The following P4HA1 variants were observed in gnomAD, a reference collection of about 807,000 sequenced individuals.
P4HA1 encodes the protein prolyl 4-hydroxylase subunit alpha 1, also known as prolyl 4-hydroxylase subunit alpha-1.
Under a neutral mutation model 72.8 loss-of-function variants are expected in P4HA1, and 24 were observed. That is an observed-to-expected ratio of 0.33 (90% CI 0.24 to 0.46). P4HA1 has a LOEUF of 0.46. Ranked by LOEUF, P4HA1 falls within the 20% of genes least tolerant of loss-of-function variation. The pLI is 1.00. For synonymous variants in P4HA1, 201 were observed against 218.8 expected (o/e 0.92, Z 0.72); for missense variants, 446 against 640.6 (o/e 0.70, Z 3.28).
At chr10:73,057,212 C>T (rs181404052) in intron 5 of P4HA1, among the ~76,000 whole-genome samples, 383 of 151,966 alleles carry the variant, frequency 2.5e-3, no homozygotes, top group African/African-American at 8.7e-3. Context: ...AAGACAAGGC[C>T]GGGCGCGGTG....
rs1589574625 is a variant in P4HA1, at chr10:73,017,348, C to T, written c.1249-449G>A. 4.6e-5 allele frequency among the ~76,000 whole-genome samples: 7 copies of T among 152,064 alleles called. 1 individual carries two copies. Among genetic ancestry groups the T allele is most frequent in the African/African-American group, 1.7e-4 (7 of 41,494 alleles). On this transcript the variant is annotated intron_variant, in intron 10 of 14. Coordinates refer to ENST00000394890, the MANE Select transcript of P4HA1 (RefSeq NM_001017962.3). The stretch of plus-strand genomic sequence containing the variant: ...CTACATATGTACCCCTCCCCACCCC[C>T]CACCAGAGACAGGCTGGAGTGCAGT...
intron 13 of P4HA1, among the ~76,000 whole-genome samples, 159 bp from the exon 14 acceptor site, chr10:73,010,062 A>G (rs1839882118): frequency 6.6e-6 from 1 of 150,830 alleles, no homozygotes; most frequent in Non-Finnish European, 1.5e-5. Context: ...TCCACCTCCC[A>G]GGTTGAAGTG....
At chr10:73,012,523 C>T (rs1045507859) in intron 12 of P4HA1, among the ~76,000 whole-genome samples, 1 of 152,062 alleles carries the variant, frequency 6.6e-6, no homozygotes, top group Non-Finnish European at 1.5e-5. Flanking sequence ...ACCTTACCTC[C>T]TTTTGGAAAC....
chr10:73,056,294 T>C (rs79489072), intron 5 of P4HA1, among the ~76,000 whole-genome samples: 2,500 of 152,238 alleles, frequency 0.016, 63 homozygotes, highest in African/African-American at 0.057. Context: ...TTCAATGCTA[T>C]AGAGAAAATT....
chr10:73,067,769 T>A (rs1049757501), intron 5 of P4HA1, among the ~76,000 whole-genome samples: 24 of 152,284 alleles, frequency 1.6e-4, no homozygotes, highest in African/African-American at 5.8e-4. Flanking sequence ...TTCCTTTACA[T>A]CCCTTATGAG....
intron 10 of P4HA1, among the ~76,000 whole-genome samples, chr10:73,028,519 C>T (rs1366309426): frequency 6.6e-6 from 1 of 152,064 alleles, no homozygotes; most frequent in African/African-American, 2.4e-5. Flanking sequence ...GCAACCTCCA[C>T]CTCCTGGGTT....
chr10:73,010,033 A>G, intron 13 of P4HA1, 130 bp from the exon 14 acceptor site: 1 of 557,284 alleles, frequency 1.8e-6, no homozygotes, highest in South Asian at 2.1e-5. Context: ...CAATGGCACG[A>G]TCTCAGCTCA....
chr10:73,061,213 T>C (rs1249201041), intron 5 of P4HA1, among the ~76,000 whole-genome samples: 1 of 152,172 alleles, frequency 6.6e-6, no homozygotes, highest in Admixed American at 6.5e-5. Flanking sequence ...CATTAGGTGT[T>C]GGTTCACGCA....
intron 3 of P4HA1, among the ~76,000 whole-genome samples, chr10:73,073,174 A>T (rs1841607165): frequency 6.6e-6 from 1 of 150,754 alleles, no homozygotes; most frequent in Admixed American, 6.6e-5. Flanking sequence ...TGTCACAAAA[A>T]AAAAAAAAAA....
intron 3 of P4HA1, 29 bp downstream of exon 3, chr10:73,073,702 G>C (rs1841621949): frequency 1.0e-6 from 1 of 973,704 alleles, no homozygotes; most frequent in African/African-American, 1.6e-5. Context: ...GGTTGAGTCA[G>C]AGTCATAATA....
At chr10:73,041,179 T>A (rs151315947) in intron 9 of P4HA1, among the ~76,000 whole-genome samples, 1 of 152,268 alleles carries the variant, frequency 6.6e-6, no homozygotes, top group East Asian at 1.9e-4. Context: ...CCCCAAAATA[T>A]GGCACTGTAG....
chr10:73,092,679 TAA>T (rs74340982), intron 1 of P4HA1, among the ~76,000 whole-genome samples: 7,506 of 141,086 alleles, frequency 0.053, 588 homozygotes, highest in African/African-American at 0.17. Context: ...GCCCTGTCTC[TAA>T]AAAAAAAAAA....
chr10:73,056,008 T>A (rs956492030), intron 5 of P4HA1, among the ~76,000 whole-genome samples: 15 of 152,126 alleles, frequency 9.9e-5, no homozygotes, highest in African/African-American at 3.4e-4. Flanking sequence ...AACCTAATAG[T>A]GGGAGGAAGC....
In P4HA1 at chr10:73,045,130, GGGTTT is replaced by G. The variant is rs1840824262; in HGVS notation, c.1078-84_1078-80del. 6.7e-6 allele frequency: 8 copies of G among 1,202,648 alleles called. No homozygotes were observed. In the African/African-American group the frequency reaches 7.6e-5, roughly 11 times the overall value. 74.5% of individuals were successfully genotyped at this position (1,202,648 alleles called of 1,614,324 possible). On this transcript the variant is annotated intron_variant, in intron 8 of 14. Transcript: ENST00000394890. ...ATTTACCCAACCAGTCAGAATTCCAGGGTTTTTACAAAGGAGGCTAAAAAGAGAAA... is the reference window on the plus strand; with the variant it reads ...ATTTACCCAACCAGTCAGAATTCCAGTTACAAAGGAGGCTAAAAAGAGAAA...
intron 9 of P4HA1, among the ~76,000 whole-genome samples, chr10:73,031,309 C>T (rs895615799): frequency 6.6e-6 from 1 of 152,126 alleles, no homozygotes; most frequent in African/African-American, 2.4e-5. Flanking sequence ...TACAGTGAGA[C>T]CCCAACTCTA....
At chr10:73,095,227 T>TAAAAAA (rs35159575) in intron 1 of P4HA1, among the ~76,000 whole-genome samples, 2 of 67,308 alleles carry the variant, frequency 3.0e-5, no homozygotes, top group African/African-American at 8.1e-5. Context: ...GCTCACAAGC[T>TAAAAAA]AAAAAAAAAA....
chr10:73,045,040 G>T lies in P4HA1; in HGVS notation c.1089C>A (p.Ala363=). Residue 363 remains alanine, a synonymous_variant, in exon 9 of 15, where the codon GCC becomes GCA. Transcript: ENST00000394890. ...CTCCTGTTATTGGGTTTGAAATGGT[G>T]GCTCGCCTCAGCTGTGAAGCCAACC... ...KDLAKPRLRR[A]TISNPITGDL... 6.2e-7 allele frequency: 1 copy of T among 1,613,324 alleles called. No individual in the cohort carries two copies.
intron 9 of P4HA1, among the ~76,000 whole-genome samples, chr10:73,036,406 T>C (rs1385672500): frequency 6.6e-6 from 1 of 150,424 alleles, no homozygotes; most frequent in South Asian, 2.1e-4. Context: ...TAACACTCCC[T>C]TTTTTTTTGA....
chr10:73,074,561 T>C (rs1841648749), intron 2 of P4HA1, among the ~76,000 whole-genome samples: 1 of 152,184 alleles, frequency 6.6e-6, no homozygotes, highest in Non-Finnish European at 1.5e-5. Context: ...TGCAGTATAT[T>C]ACTTGTATAT....
Sources: allele counts gnomAD v4.1 joint callset (sites outside exome capture counted in the v4.1 genomes callset), GRCh38; gene constraint gnomAD v4.1.1; transcripts MANE v1.5; gene names NCBI Gene and HGNC (gene_info 2026-07-23, HGNC 2026-07-21).